The following PTPRR variants were observed in gnomAD, a reference collection of about 807,000 sequenced individuals.
PTPRR encodes protein tyrosine phosphatase receptor type R.
In PTPRR, 38 loss-of-function variants were observed where a neutral mutation model predicts 77.2. That is an observed-to-expected ratio of 0.49 (90% CI 0.38 to 0.65). PTPRR has a LOEUF of 0.65. Ranked by LOEUF, PTPRR falls within the 30% of genes least tolerant of loss-of-function variation. PTPRR has a pLI of 0.00. For missense variants in PTPRR, 744 were observed against 799.2 expected, an observed-to-expected ratio of 0.93 and a Z score of 0.83; for synonymous variants, 299 against 283.1, an observed-to-expected ratio of 1.06 and a Z score of -0.57.
intron 2 of PTPRR, among the ~76,000 whole-genome samples, chr12:70,816,127 C>G (rs1891898951): frequency 6.6e-6 from 1 of 152,070 alleles, no homozygotes; most frequent in South Asian, 2.1e-4. Context: ...ATTCATTATT[C>G]TTTACCTTTA....
chr12:70,904,558 A>C (rs1289753657), intron 1 of PTPRR, among the ~76,000 whole-genome samples: 1 of 151,886 alleles, frequency 6.6e-6, no homozygotes, highest in African/African-American at 2.4e-5. Context: ...AGACAAAAAG[A>C]TAGTAGGAAG....
intron 6 of PTPRR, among the ~76,000 whole-genome samples, chr12:70,722,009 A>G (rs1889274803): frequency 6.6e-6 from 1 of 152,200 alleles, no homozygotes; most frequent in African/African-American, 2.4e-5. Context: ...ACAAACTAGC[A>G]GAGTTTGTTT....
chr12:70,773,285 A>G (rs1198104963), intron 2 of PTPRR, among the ~76,000 whole-genome samples: 2 of 152,322 alleles, frequency 1.3e-5, no homozygotes, highest in South Asian at 2.1e-4. Context: ...GAACTTCAAC[A>G]TATGAATTCT....
intron 12 of PTPRR, 63 bp downstream of exon 12, chr12:70,660,877 C>A: frequency 6.7e-7 from 1 of 1,483,230 alleles, no homozygotes; most frequent in South Asian, 1.4e-5. Context: ...CCACTTGCAC[C>A]TGCTCTGTGA....
intron 2 of PTPRR, among the ~76,000 whole-genome samples, chr12:70,868,899 CT>C (rs1892910131): frequency 6.6e-6 from 1 of 151,330 alleles, no homozygotes; most frequent in South Asian, 2.1e-4. Context: ...ATGGATGAAA[CT>C]GGAAATCATC....
intron 2 of PTPRR, among the ~76,000 whole-genome samples, chr12:70,784,408 G>A (rs1368390713): frequency 6.6e-6 from 1 of 152,222 alleles, no homozygotes; most frequent in African/African-American, 2.4e-5. Context: ...GGCTAGTAGC[G>A]GGGTTGGGTC....
chr12:70,823,592 C>T (rs1349962683), intron 2 of PTPRR, among the ~76,000 whole-genome samples: 2 of 152,212 alleles, frequency 1.3e-5, no homozygotes, highest in African/African-American at 4.8e-5. Flanking sequence ...TCCTAACTCT[C>T]TTGGCTTAGC....
chr12:70,643,324 T>C (rs1189024970), intron 13 of PTPRR, among the ~76,000 whole-genome samples: 1 of 151,716 alleles, frequency 6.6e-6, no homozygotes, highest in East Asian at 1.9e-4. Flanking sequence ...TGTGTGTTTT[T>C]TGTGTTTGTT....
At chr12:70,755,192 A>G (rs1890531069) in intron 4 of PTPRR, among the ~76,000 whole-genome samples, 1 of 152,228 alleles carries the variant, frequency 6.6e-6, no homozygotes, top group South Asian at 2.1e-4. Flanking sequence ...ATGATTGGGA[A>G]AAACATATAA....
chr12:70,686,731 C>T (rs77266980), intron 8 of PTPRR, among the ~76,000 whole-genome samples: 2,336 of 152,138 alleles, frequency 0.015, 70 homozygotes, highest in African/African-American at 0.053. Flanking sequence ...TATGAATGAG[C>T]CCTCTTAGAA....
intron 2 of PTPRR, among the ~76,000 whole-genome samples, chr12:70,804,768 C>G (rs1354228867): frequency 6.6e-6 from 1 of 152,184 alleles, no homozygotes; most frequent in African/African-American, 2.4e-5. Context: ...CATGCAAAGA[C>G]AGACTGTTGA....
chr12:70,919,031 A>G (rs1038067817), intron 1 of PTPRR, among the ~76,000 whole-genome samples: 1 of 152,246 alleles, frequency 6.6e-6, no homozygotes, highest in Non-Finnish European at 1.5e-5. Flanking sequence ...ATGTGTATTT[A>G]ATAATAGCTT....
chr12:70,888,156 AG>A (rs1183835868), intron 2 of PTPRR, among the ~76,000 whole-genome samples: 1 of 152,146 alleles, frequency 6.6e-6, no homozygotes, highest in Non-Finnish European at 1.5e-5. Flanking sequence ...GAGAAAGAAA[AG>A]CAAAAAATCA....
At chr12:70,770,764 A>T (rs1304793550) in intron 2 of PTPRR, among the ~76,000 whole-genome samples, 1 of 152,178 alleles carries the variant, frequency 6.6e-6, no homozygotes, top group African/African-American at 2.4e-5. Flanking sequence ...CAAATGTCCA[A>T]CAATGATAGA....
At chr12:70,893,003 A>G (rs1893365935) in intron 1 of PTPRR, 26 bp from the exon 2 acceptor site, 3 of 1,605,340 alleles carry the variant, frequency 1.9e-6, no homozygotes, top group Non-Finnish European at 2.6e-6. Flanking sequence ...AGCAGAAACA[A>G]TATCAAAGAC....
At chr12:70,703,939 G>T in intron 6 of PTPRR, among the ~76,000 whole-genome samples, 1 of 152,112 alleles carries the variant, frequency 6.6e-6, no homozygotes. Context: ...TGAGTTTTTG[G>T]TCTAGAGTTA....
intron 2 of PTPRR, among the ~76,000 whole-genome samples, chr12:70,869,045 GA>G (rs1417035112): frequency 1.1e-5 from 1 of 91,274 alleles, no homozygotes; most frequent in Non-Finnish European, 2.0e-5. Context: ...GGGGTGGGGG[GA>G]GGGGGGAGGG....
intron 10 of PTPRR, among the ~76,000 whole-genome samples, chr12:70,674,553 C>A (rs894888773): frequency 5.3e-5 from 8 of 151,894 alleles, no homozygotes; most frequent in African/African-American, 1.9e-4. Context: ...ATTTTTTAAT[C>A]TTATCTTTCT....
At chr12:70,805,509 A>T (rs1030470098) in intron 2 of PTPRR, among the ~76,000 whole-genome samples, 3 of 152,122 alleles carry the variant, frequency 2.0e-5, no homozygotes. Context: ...GGGCACCCCC[A>T]TGGTGGGTTC....
Sources: allele counts gnomAD v4.1 joint callset (sites outside exome capture counted in the v4.1 genomes callset), GRCh38; gene constraint gnomAD v4.1.1; transcripts MANE v1.5; gene names NCBI Gene and HGNC (gene_info 2026-07-23, HGNC 2026-07-21).